SPIDR: variants seen among roughly 807,000 people sequenced by gnomAD.
The protein encoded by SPIDR is scaffold protein involved in DNA repair.
A neutral mutation model predicts 104.6 loss-of-function variants in SPIDR; 93 were observed. The observed-to-expected ratio is 0.89, with a 90% CI of 0.75 to 1.06. SPIDR has a LOEUF of 1.06. Ranked by LOEUF, SPIDR falls within the 50% of genes least tolerant of loss-of-function variation. The pLI, the probability that SPIDR is intolerant of heterozygous loss-of-function variation, is 0.00. For missense variants in SPIDR, 1,154 were observed against 1,111.2 expected (o/e 1.04, Z -0.55); for synonymous variants, 431 against 416.9 (o/e 1.03, Z -0.41).
Position 47,571,548 on chromosome 8 carries a change from G to A in SPIDR, c.1098-24263G>A, listed in dbSNP as rs2058526860. ...AATCAAATGAGGTAACTTAAGGAAA[G>A]TAATTTATAAAATGCAAATTTAATT... On this transcript the variant is annotated intron_variant, in intron 8 of 19. Coordinates refer to ENST00000297423, the MANE Select transcript of SPIDR (RefSeq NM_001080394.4). 2.6e-5 allele frequency among the ~76,000 whole-genome samples: 4 copies of A among 152,140 alleles called. No individual in the cohort carries two copies. The South Asian group carries it at 8.3e-4, about 32-fold the overall frequency.
intron 5 of SPIDR, among the ~76,000 whole-genome samples, chr8:47,306,011 A>C (rs1333819190): frequency 6.6e-6 from 1 of 152,184 alleles, no homozygotes; most frequent in African/African-American, 2.4e-5. Context: ...GGCAACCACC[A>C]TTCTACTTTG....
intron 8 of SPIDR, among the ~76,000 whole-genome samples, chr8:47,565,269 AAG>A (rs930311785): frequency 6.6e-6 from 1 of 152,098 alleles, no homozygotes; most frequent in East Asian, 1.9e-4. Context: ...GAGAAGAGAG[AAG>A]AGAGAGAAAT....
intron 10 of SPIDR, among the ~76,000 whole-genome samples, chr8:47,600,482 A>G (rs937501930): frequency 1.2e-4 from 19 of 152,314 alleles, no homozygotes; most frequent in South Asian, 8.3e-4. Context: ...TGAAAATACT[A>G]TGAATTTGAG....
chr8:47,683,050 C>T (rs866114149), intron 11 of SPIDR, among the ~76,000 whole-genome samples: 18 of 152,350 alleles, frequency 1.2e-4, no homozygotes, highest in African/African-American at 3.8e-4. Flanking sequence ...TGAATGAGAA[C>T]CACAAACCGT....
intron 7 of SPIDR, among the ~76,000 whole-genome samples, chr8:47,413,017 G>C (rs1423332648): frequency 2.6e-5 from 4 of 152,172 alleles, no homozygotes; most frequent in Non-Finnish European, 5.9e-5. Flanking sequence ...AGAATGGCAA[G>C]CTTGAATTTC....
At chr8:47,482,656 A>G (rs578189618) in intron 8 of SPIDR, among the ~76,000 whole-genome samples, 2 of 152,264 alleles carry the variant, frequency 1.3e-5, no homozygotes, top group South Asian at 4.1e-4. Flanking sequence ...AGAGGTTTCT[A>G]TAGGGCTCCA....
At chr8:47,266,740 G>A (rs1479667999) in intron 1 of SPIDR, among the ~76,000 whole-genome samples, 3 of 152,178 alleles carry the variant, frequency 2.0e-5, no homozygotes, top group Non-Finnish European at 4.4e-5. Flanking sequence ...TGGCAATGTT[G>A]TTATTCAGTT....
At chr8:47,433,983 C>T (rs955043838) in intron 7 of SPIDR, among the ~76,000 whole-genome samples, 4 of 152,114 alleles carry the variant, frequency 2.6e-5, no homozygotes, top group Non-Finnish European at 4.4e-5. Context: ...GCATAGAGTT[C>T]GTTAAAGATA....
intron 11 of SPIDR, among the ~76,000 whole-genome samples, chr8:47,691,672 C>T (rs2078676061): frequency 6.6e-6 from 1 of 152,226 alleles, no homozygotes; most frequent in Admixed American, 6.5e-5. Flanking sequence ...TTCTCTTGTG[C>T]TGCCACAAAC....
chr8:47,608,416 GTT>G (rs1201209512), intron 10 of SPIDR, among the ~76,000 whole-genome samples: 1 of 152,128 alleles, frequency 6.6e-6, no homozygotes, highest in Non-Finnish European at 1.5e-5. Context: ...CTGCATACAA[GTT>G]TTTTGTGTGG....
At chr8:47,462,141 G>T (rs1239341381) in intron 8 of SPIDR, among the ~76,000 whole-genome samples, 3 of 152,084 alleles carry the variant, frequency 2.0e-5, no homozygotes, top group Admixed American at 6.5e-5. Context: ...TTTTCCTAGG[G>T]ATGTGGCTTC....
intron 16 of SPIDR, among the ~76,000 whole-genome samples, chr8:47,718,798 G>A (rs2082953096): frequency 6.6e-6 from 1 of 152,010 alleles, no homozygotes; most frequent in Non-Finnish European, 1.5e-5. Flanking sequence ...AAGTTCTGGG[G>A]TACATGTGCA....
At chr8:47,704,728 T>TGA (rs1229121750) in intron 14 of SPIDR, among the ~76,000 whole-genome samples, 1 of 152,232 alleles carries the variant, frequency 6.6e-6, no homozygotes, top group African/African-American at 2.4e-5. Context: ...ATTTGACAGC[T>TGA]GATCAGTGCC....
Position 47,714,514 on chromosome 8 carries a change from T to TAA in SPIDR, c.2341+873_2341+874insAA, listed in dbSNP as rs567960123. Among the ~76,000 whole-genome samples the TAA allele has an allele frequency of 5.9e-5, 9 of 152,332 alleles. No homozygotes were observed. In the East Asian group the frequency reaches 1.4e-3, roughly 23 times the overall value. On this transcript the variant is annotated intron_variant, in intron 16 of 19. Coordinates refer to ENST00000297423, the MANE Select transcript of SPIDR (RefSeq NM_001080394.4). ...CATTATTATTTTCTCTTTTTTAACT[T>TAA]TATAAAACTTAGTAATAAAAGTCAT...
intron 10 of SPIDR, among the ~76,000 whole-genome samples, chr8:47,667,551 A>G (rs1589008910): frequency 6.6e-6 from 1 of 151,914 alleles, no homozygotes. Flanking sequence ...CAAACTAATG[A>G]TCTAAGCCTC....
At chr8:47,615,996 A>T (rs2064255234) in intron 10 of SPIDR, among the ~76,000 whole-genome samples, 1 of 152,062 alleles carries the variant, frequency 6.6e-6, no homozygotes, top group Non-Finnish European at 1.5e-5. Context: ...CTAGTGTATA[A>T]AAAAAACAAC....
chr8:47,386,971 A>T (rs1241002776), intron 5 of SPIDR, among the ~76,000 whole-genome samples: 3 of 151,160 alleles, frequency 2.0e-5, no homozygotes, highest in Non-Finnish European at 2.9e-5. Flanking sequence ...ATAGATACAG[A>T]TATAGATTGA....
At chr8:47,396,734 C>A in intron 6 of SPIDR, 108 bp downstream of exon 6, 1 of 1,168,302 alleles carries the variant, frequency 8.6e-7, no homozygotes, top group Non-Finnish European at 1.2e-6. Flanking sequence ...GTCCTAAATT[C>A]TGGAGCTGAT....
intron 10 of SPIDR, among the ~76,000 whole-genome samples, chr8:47,618,308 A>C (rs985395830): frequency 4.6e-5 from 7 of 152,112 alleles, no homozygotes; most frequent in African/African-American, 1.7e-4. Flanking sequence ...ATCATTATTC[A>C]GTCTTGAAGG....
Sources: gnomAD v4.1 joint callset for allele counts (sites outside exome capture counted in the v4.1 genomes callset) on GRCh38, gnomAD v4.1.1 for gene constraint, MANE v1.5 for transcripts, NCBI Gene and HGNC (gene_info 2026-07-23, HGNC 2026-07-21) for gene names.